Variants in CMSS1 observed in about 807,000 individuals in gnomAD.
CMSS1 encodes cms1 ribosomal small subunit homolog.
CMSS1 carries 33 observed loss-of-function variants against 43.5 expected under a neutral mutation model. The ratio of observed to expected loss-of-function variants is 0.76; its 90% CI spans 0.57 to 1.01. The LOEUF (loss-of-function observed/expected upper bound fraction) is 1.01, where lower values mean the gene tolerates loss of function less well. CMSS1 is among the 50% of genes least tolerant of loss of function. The probability of loss-of-function intolerance (pLI) is 0.00; values close to 1 mark genes in which losing one functional copy is unlikely to be tolerated. For missense variants in CMSS1, 313 were observed against 326.4 expected, an observed-to-expected ratio of 0.96 and a Z score of 0.32; for synonymous variants, 115 against 117.2, an observed-to-expected ratio of 0.98 and a Z score of 0.12.
chr3:100,074,675 A>ATTTTTTTTTTTTTTTTTTTTTTTTTTT lies in CMSS1; in HGVS notation c.65-72288_65-72262dup, dbSNP rs555819875. On this transcript the variant is annotated intron_variant, in intron 1 of 9. Coordinates refer to ENST00000421999, the MANE Select transcript of CMSS1 (RefSeq NM_032359.4). The stretch of plus-strand genomic sequence containing the variant: ...ATTTTCTATGCATGTGCAACATTTG[A>ATTTTTTTTTTTTTTTTTTTTTTTTTTT]TTTTTTTTTTTTTTTTTTTTTTTTT... 9.8e-4 allele frequency among the ~76,000 whole-genome samples: 34 copies of ATTTTTTTTTTTTTTTTTTTTTTTTTTT among 34,802 alleles called. 15 individuals are homozygous for ATTTTTTTTTTTTTTTTTTTTTTTTTTT. The highest frequency in any genetic ancestry group is 4.2e-3 in the East Asian group (4 of 942). 22.8% of individuals were successfully genotyped at this position (34,802 alleles called of 152,430 possible).
intron 1 of CMSS1, chr3:99,850,833 A>G: frequency 6.2e-7 from 1 of 1,614,032 alleles, no homozygotes; most frequent in Non-Finnish European, 8.5e-7. Flanking sequence ...CTTCCTCCTG[A>G]ACTCTGGCTT....
At chr3:99,964,086 A>G (rs1708573615) in intron 1 of CMSS1, among the ~76,000 whole-genome samples, 1 of 152,048 alleles carries the variant, frequency 6.6e-6, no homozygotes, top group Non-Finnish European at 1.5e-5. Flanking sequence ...TTAAATAAAA[A>G]CAGAGGGCAT....
chr3:99,965,326 C>T (rs1007097526), intron 1 of CMSS1, among the ~76,000 whole-genome samples: 11 of 152,116 alleles, frequency 7.2e-5, no homozygotes, highest in Admixed American at 7.2e-4. Flanking sequence ...GAAAGGTTGG[C>T]CTGTGTTCTT....
At chr3:99,937,082 C>G (rs750506163) in intron 1 of CMSS1, among the ~76,000 whole-genome samples, 1 of 151,934 alleles carries the variant, frequency 6.6e-6, no homozygotes. Flanking sequence ...GGATTACAGG[C>G]GCCTGCCATC....
chr3:100,028,961 A>G (rs190058400), intron 1 of CMSS1, among the ~76,000 whole-genome samples: 3 of 152,260 alleles, frequency 2.0e-5, no homozygotes, highest in Admixed American at 6.5e-5. Flanking sequence ...GATGTTTTAC[A>G]AGCTCGTCAG....
chr3:99,824,783 G>T (rs1433350515), intron 1 of CMSS1, among the ~76,000 whole-genome samples: 1 of 152,168 alleles, frequency 6.6e-6, no homozygotes, highest in Non-Finnish European at 1.5e-5. Context: ...TTGGAAAGAG[G>T]ACAAGAGACT....
chr3:100,050,151 A>C (rs2065345741), intron 1 of CMSS1, among the ~76,000 whole-genome samples: 1 of 152,156 alleles, frequency 6.6e-6, no homozygotes, highest in African/African-American at 2.4e-5. Context: ...CAAATTTTTA[A>C]AATTTGTTTA....
chr3:99,890,137 A>G (rs2107613372), intron 1 of CMSS1, among the ~76,000 whole-genome samples: 1 of 152,126 alleles, frequency 6.6e-6, no homozygotes, highest in South Asian at 2.1e-4. Context: ...GAGGATTTTT[A>G]CTGGGTATAG....
intron 1 of CMSS1, among the ~76,000 whole-genome samples, chr3:100,103,586 T>C (rs1355555451): frequency 1.3e-5 from 2 of 152,108 alleles, no homozygotes; most frequent in African/African-American, 4.8e-5. Context: ...ATTCTTCATG[T>C]TGAGCAAAAA....
chr3:99,984,635 G>A (rs1398046063), intron 1 of CMSS1, among the ~76,000 whole-genome samples: 2 of 152,264 alleles, frequency 1.3e-5, no homozygotes, highest in African/African-American at 4.8e-5. Flanking sequence ...GAAAGAATGA[G>A]CACCTTTGCC....
At chr3:100,093,673 T>A (rs2066152797) in intron 1 of CMSS1, among the ~76,000 whole-genome samples, 1 of 152,188 alleles carries the variant, frequency 6.6e-6, no homozygotes, top group South Asian at 2.1e-4. Flanking sequence ...ATCCCTCATG[T>A]TCACCTTTTA....
At chr3:100,152,110 GTTTA>G (rs909287012) in intron 2 of CMSS1, among the ~76,000 whole-genome samples, 5 of 152,080 alleles carry the variant, frequency 3.3e-5, no homozygotes, top group African/African-American at 4.8e-5. Context: ...AATATCAGGA[GTTTA>G]TTTATTAAGT....
At chr3:100,028,313 GT>G (rs1367384746) in intron 1 of CMSS1, among the ~76,000 whole-genome samples, 2 of 152,118 alleles carry the variant, frequency 1.3e-5, no homozygotes, top group African/African-American at 4.8e-5. Context: ...TTCAGCCTTT[GT>G]TCTTACTTAG....
chr3:100,100,892 T>C (rs2066292302), intron 1 of CMSS1, among the ~76,000 whole-genome samples: 1 of 152,216 alleles, frequency 6.6e-6, no homozygotes, highest in African/African-American at 2.4e-5. Context: ...TTTTCCTGAT[T>C]CTTCCATTCC....
At chr3:100,055,194 A>G (rs894055837) in intron 1 of CMSS1, among the ~76,000 whole-genome samples, 1 of 152,046 alleles carries the variant, frequency 6.6e-6, no homozygotes, top group African/African-American at 2.4e-5. Context: ...ACTCTTATCA[A>G]TTTCTTCGTG....
intron 1 of CMSS1, among the ~76,000 whole-genome samples, chr3:99,840,441 C>G (rs1350558112): frequency 1.3e-5 from 2 of 151,962 alleles, no homozygotes; most frequent in Non-Finnish European, 2.9e-5. Context: ...CCAGGCTGGT[C>G]TTGAACTCCT....
intron 2 of CMSS1, among the ~76,000 whole-genome samples, chr3:100,152,579 A>G (rs1024078492): frequency 9.2e-5 from 14 of 152,220 alleles, no homozygotes; most frequent in African/African-American, 3.4e-4. Context: ...CTGAGGCACC[A>G]TCTTTGTTTC....
intron 2 of CMSS1, among the ~76,000 whole-genome samples, chr3:100,156,291 T>A (rs1001890714): frequency 2.9e-5 from 4 of 138,234 alleles, no homozygotes; most frequent in African/African-American, 1.1e-4. Context: ...CACTAGCTAA[T>A]TTTTTTTCTT....
At chr3:100,110,226 G>T (rs181590001) in intron 1 of CMSS1, among the ~76,000 whole-genome samples, 140 of 152,222 alleles carry the variant, frequency 9.2e-4, no homozygotes, top group Non-Finnish European at 1.8e-3. Context: ...CTGATCAAAT[G>T]CAAAGGTTCT....
Sources: allele counts gnomAD v4.1 joint callset (sites outside exome capture counted in the v4.1 genomes callset), GRCh38; gene constraint gnomAD v4.1.1; transcripts MANE v1.5; gene names NCBI Gene and HGNC (gene_info 2026-07-23, HGNC 2026-07-21).